Variants in ASCC3 observed in about 807,000 individuals in gnomAD.
ASCC3 encodes the protein ASC-1 complex subunit P200.
ASCC3 carries 158 observed loss-of-function variants against 256.3 expected under a neutral mutation model. The observed-to-expected ratio is 0.62, with a 90% CI of 0.54 to 0.70. ASCC3 has a LOEUF of 0.70. Ranked by LOEUF, ASCC3 falls within the 30% of genes least tolerant of loss-of-function variation. The pLI is 0.00. For missense variants in ASCC3, 2,259 were observed against 2,626.0 expected (o/e 0.86, Z 3.05); for synonymous variants, 948 against 883.4 (o/e 1.07, Z -1.30).
At chr6:100,791,537 G>A (rs4839791) in intron 8 of ASCC3, among the ~76,000 whole-genome samples, 3 of 151,884 alleles carry the variant, frequency 2.0e-5, no homozygotes, top group East Asian at 1.9e-4. Flanking sequence ...CACTGTTTCC[G>A]ATGAAGATCA....
At chr6:100,684,109 T>G (rs752919806) in intron 13 of ASCC3, among the ~76,000 whole-genome samples, 1 of 152,186 alleles carries the variant, frequency 6.6e-6, no homozygotes, top group Non-Finnish European at 1.5e-5. Context: ...AAGTAACACA[T>G]ACTGTTTCAG....
In ASCC3 at chr6:100,551,501, G is replaced by T. The variant is rs375873294; in HGVS notation, c.5551-11114C>A. On this transcript the variant is annotated intron_variant, in intron 36 of 41. Transcript: ENST00000369162. Reference sequence around the variant, plus strand: ...AATCAAATTTGAATAGAAAAGGGGGGACTGGCACTTATTATAGTAACATAC... The same window carrying T: ...AATCAAATTTGAATAGAAAAGGGGGTACTGGCACTTATTATAGTAACATAC... 1.3e-4 allele frequency among the ~76,000 whole-genome samples: 19 copies of T among 151,718 alleles called. No individual in the cohort carries two copies. The South Asian group carries it at 1.9e-3, about 15-fold the overall frequency.
intron 33 of ASCC3, among the ~76,000 whole-genome samples, chr6:100,603,840 T>A (rs1772748423): frequency 6.6e-6 from 1 of 152,114 alleles, no homozygotes; most frequent in African/African-American, 2.4e-5. Context: ...GATTAACTAT[T>A]GTTTGTTTAG....
intron 4 of ASCC3, among the ~76,000 whole-genome samples, chr6:100,841,271 G>A (rs996292288): frequency 3.9e-5 from 6 of 152,158 alleles, no homozygotes; most frequent in Admixed American, 2.0e-4. Flanking sequence ...GACCCTGACA[G>A]AGCATATCAT....
intron 1 of ASCC3, 78 bp from the exon 2 acceptor site, chr6:100,868,116 A>G (rs1773565216): frequency 2.6e-6 from 2 of 783,068 alleles, no homozygotes; most frequent in Admixed American, 2.5e-5. Context: ...TAGCTTGTAC[A>G]AGAGAAAAAA....
chr6:100,762,222 G>A (rs1255063601), intron 10 of ASCC3, among the ~76,000 whole-genome samples: 1 of 152,142 alleles, frequency 6.6e-6, no homozygotes, highest in Non-Finnish European at 1.5e-5. Context: ...AACTCCCAAA[G>A]GTACACAGGT....
intron 8 of ASCC3, among the ~76,000 whole-genome samples, chr6:100,797,898 G>A (rs1769711336): frequency 6.6e-6 from 1 of 152,132 alleles, no homozygotes; most frequent in South Asian, 2.1e-4. Context: ...TATGTTTACT[G>A]ACACAGAAAG....
At chr6:100,618,813 C>T (rs556382934) in intron 30 of ASCC3, among the ~76,000 whole-genome samples, 5 of 152,260 alleles carry the variant, frequency 3.3e-5, no homozygotes, top group East Asian at 3.9e-4. Context: ...TCTTTTCCTA[C>T]CAAACATGGT....
intron 25 of ASCC3, among the ~76,000 whole-genome samples, chr6:100,634,869 A>C (rs1774754551): frequency 1.5e-5 from 1 of 65,578 alleles, no homozygotes; most frequent in Non-Finnish European, 5.2e-5. Flanking sequence ...AAAAACAAAA[A>C]AAAAAAAAAA....
intron 4 of ASCC3, among the ~76,000 whole-genome samples, chr6:100,810,297 A>G (rs1019759427): frequency 9.9e-5 from 15 of 152,102 alleles, no homozygotes; most frequent in African/African-American, 2.4e-4. Flanking sequence ...AGCCTTCAAA[A>G]TCTAGCTCAA....
rs1769846736 is a variant in ASCC3, at chr6:100,800,292, T to TTTA, written c.1127+5_1127+7dup. On this transcript the variant is annotated splice_region_variant and intron_variant, in intron 6 of 41. Transcript: ENST00000369162. ...CACAAGCATTTTTCAGCTCCTGGCT[T>TTTA]TTATTACCTTTGTATCCGCAATTCC... The TTTA allele has an allele frequency of 6.2e-7, 1 of 1,612,212 alleles. No individual in the cohort carries two copies. Among genetic ancestry groups the TTTA allele is most frequent in the African/African-American group, 1.3e-5 (1 of 74,854 alleles).
chr6:100,609,352 C>T lies in ASCC3; in HGVS notation c.4786-2264G>A, dbSNP rs1773273191. On this transcript the variant is annotated intron_variant, in intron 30 of 41. Coordinates refer to ENST00000369162, the MANE Select transcript of ASCC3 (RefSeq NM_006828.4). ...TTCTAGCAATATAGGTTAAATACTT[C>T]CTTATCTTACTTTAAATGCTACATT... is the stretch of plus-strand genomic sequence containing the variant. 2.0e-5 allele frequency among the ~76,000 whole-genome samples: 3 copies of T among 151,854 alleles called. No individual in the cohort carries two copies. The East Asian group carries it at 5.8e-4, about 29-fold the overall frequency.
intron 4 of ASCC3, among the ~76,000 whole-genome samples, chr6:100,841,650 A>G (rs1212641231): frequency 6.6e-6 from 1 of 151,100 alleles, no homozygotes; most frequent in Non-Finnish European, 1.5e-5. Flanking sequence ...ATAATGGATT[A>G]ATGTCAACAT....
chr6:100,571,826 T>C (rs1770606218), intron 36 of ASCC3, among the ~76,000 whole-genome samples: 1 of 152,208 alleles, frequency 6.6e-6, no homozygotes, highest in Non-Finnish European at 1.5e-5. Flanking sequence ...TAAGCTAATA[T>C]GCAAAATTTT....
At chr6:100,663,603 A>G (rs1776331808) in intron 14 of ASCC3, among the ~76,000 whole-genome samples, 1 of 152,106 alleles carries the variant, frequency 6.6e-6, no homozygotes, top group Non-Finnish European at 1.5e-5. Context: ...GAGAAGCCAT[A>G]AAGTGTTTCC....
In ASCC3 at chr6:100,718,533, G is replaced by A. The variant is rs1230636850; in HGVS notation, c.1903-282C>T. Among the ~76,000 whole-genome samples, 3 of 151,892 alleles carry A rather than the reference G, an allele frequency of 2.0e-5. 1 individual carries two copies. Among genetic ancestry groups the A allele is most frequent in the South Asian group, 4.2e-4 (2 of 4,810 alleles). On this transcript the variant is annotated intron_variant, in intron 11 of 41. Coordinates refer to ENST00000369162, the MANE Select transcript of ASCC3 (RefSeq NM_006828.4). ...CAGCACTTTGGGAGGCAAGGTGGGC[G>A]GCTTGCTTGAGCCCAGGAGTTTGAG...
At chr6:100,527,521 A>C (rs1774638728) in intron 37 of ASCC3, among the ~76,000 whole-genome samples, 1 of 152,152 alleles carries the variant, frequency 6.6e-6, no homozygotes, top group Non-Finnish European at 1.5e-5. Flanking sequence ...AAACTCTTAA[A>C]TGACACTGAC....
intron 37 of ASCC3, among the ~76,000 whole-genome samples, chr6:100,532,631 G>A (rs959042141): frequency 6.6e-6 from 1 of 151,202 alleles, no homozygotes; most frequent in Non-Finnish European, 1.5e-5. Context: ...TAAGGTCTAG[G>A]GTTGATATTA....
intron 22 of ASCC3, among the ~76,000 whole-genome samples, chr6:100,645,282 CT>C (rs970142443): frequency 1.3e-4 from 20 of 151,738 alleles, no homozygotes; most frequent in African/African-American, 4.8e-4. Flanking sequence ...TTATGTGAAA[CT>C]TTATATCTAT....
Sources: allele counts gnomAD v4.1 joint callset (sites outside exome capture counted in the v4.1 genomes callset), GRCh38; gene constraint gnomAD v4.1.1; transcripts MANE v1.5; gene names NCBI Gene and HGNC (gene_info 2026-07-23, HGNC 2026-07-21).